The following ROBO2 variants were observed in gnomAD, a reference collection of about 807,000 sequenced individuals.
ROBO2 encodes the protein roundabout guidance receptor 2, also known as roundabout homolog 2.
Under a neutral mutation model 160.8 loss-of-function variants are expected in ROBO2, and 53 were observed. The ratio of observed to expected loss-of-function variants is 0.33; its 90% CI spans 0.26 to 0.41. The LOEUF (loss-of-function observed/expected upper bound fraction) is 0.41, where lower values mean the gene tolerates loss of function less well. Ranked by LOEUF, ROBO2 falls within the 10% of genes least tolerant of loss-of-function variation. ROBO2 has a pLI of 1.00. For missense variants in ROBO2, 1,577 were observed against 1,722.4 expected, an observed-to-expected ratio of 0.92 and a Z score of 1.49; for synonymous variants, 664 against 611.7, an observed-to-expected ratio of 1.09 and a Z score of -1.26.
At chr3:76,734,008 G>A (rs1196320381) in intron 2 of ROBO2, among the ~76,000 whole-genome samples, 4 of 152,068 alleles carry the variant, frequency 2.6e-5, no homozygotes, top group Admixed American at 6.6e-5. Context: ...ACCACAGAGG[G>A]CATCTTTCCC....
intron 2 of ROBO2, among the ~76,000 whole-genome samples, chr3:75,974,645 C>G (rs1191344596): frequency 2.0e-5 from 3 of 151,446 alleles, no homozygotes; most frequent in African/African-American, 7.3e-5. Context: ...TCAGATTTTA[C>G]TGTTAGCAGT....
At chr3:77,215,868 A>G (rs1324777666) in intron 2 of ROBO2, among the ~76,000 whole-genome samples, 1 of 152,172 alleles carries the variant, frequency 6.6e-6, no homozygotes, top group Non-Finnish European at 1.5e-5. Flanking sequence ...TTGCCTAGGT[A>G]TCAGCAGCGG....
chr3:76,118,502 GA>G (rs1553650126), intron 2 of ROBO2, among the ~76,000 whole-genome samples: 1 of 152,118 alleles, frequency 6.6e-6, no homozygotes, highest in Non-Finnish European at 1.5e-5. Context: ...ATATGATGGA[GA>G]TGAGATTCTC....
chr3:75,952,294 T>C (rs1043384395), intron 2 of ROBO2, among the ~76,000 whole-genome samples: 1 of 151,978 alleles, frequency 6.6e-6, no homozygotes, highest in African/African-American at 2.4e-5. Context: ...AAAATGCTTT[T>C]ACTCTAATCA....
At chr3:76,155,855 C>T (rs888649187) in intron 2 of ROBO2, among the ~76,000 whole-genome samples, 3 of 152,082 alleles carry the variant, frequency 2.0e-5, no homozygotes, top group South Asian at 2.1e-4. Context: ...TTAAATGTAT[C>T]GCAAGGCAAA....
intron 4 of ROBO2, among the ~76,000 whole-genome samples, chr3:77,482,305 C>T (rs2084800735): frequency 6.6e-6 from 1 of 152,120 alleles, no homozygotes; most frequent in Non-Finnish European, 1.5e-5. Context: ...CCAAGTGTGG[C>T]ACCAAAGCCC....
chr3:77,405,915 G>A (rs989982820), intron 2 of ROBO2, among the ~76,000 whole-genome samples: 10 of 152,084 alleles, frequency 6.6e-5, no homozygotes, highest in South Asian at 2.1e-4. Context: ...AAAGATAAAC[G>A]TGAATTTGAT....
chr3:77,242,735 G>T (rs992974948), intron 2 of ROBO2, among the ~76,000 whole-genome samples: 5 of 151,778 alleles, frequency 3.3e-5, no homozygotes, highest in Admixed American at 3.3e-4. Flanking sequence ...TAAGGTAGAG[G>T]AGAGAGCAGC....
chr3:77,160,061 C>A (rs2078348177), intron 2 of ROBO2, among the ~76,000 whole-genome samples: 1 of 152,004 alleles, frequency 6.6e-6, no homozygotes, highest in Non-Finnish European at 1.5e-5. Context: ...TATATAGATT[C>A]ACCAGGCATT....
At position 77,562,641 on chromosome 3, in the gene ROBO2, T is replaced by G. The variant is rs1480595097; in HGVS notation, c.1438-10T>G. The G allele has an allele frequency of 3.1e-6, 5 of 1,602,016 alleles. No homozygotes were observed. Among genetic ancestry groups the G allele is most frequent in the Non-Finnish European group, 4.3e-6 (5 of 1,169,606 alleles). On this transcript the variant is annotated splice_polypyrimidine_tract_variant and intron_variant, in intron 9 of 25. Transcript: ENST00000461745. Reference sequence around the variant, plus strand: ...AAACAATTTAATTCTCTCCCTTCTGTGCACACTAGATTTCTGATACTGGCA... The same window carrying G: ...AAACAATTTAATTCTCTCCCTTCTGGGCACACTAGATTTCTGATACTGGCA...
At chr3:76,362,087 A>G (rs1282125072) in intron 2 of ROBO2, among the ~76,000 whole-genome samples, 1 of 152,136 alleles carries the variant, frequency 6.6e-6, no homozygotes, top group Non-Finnish European at 1.5e-5. Context: ...AATATTGGCC[A>G]GGTGCAGTGA....
chr3:77,193,462 T>TTTTTTTGTG (rs1560204164), intron 2 of ROBO2, among the ~76,000 whole-genome samples: 3 of 101,776 alleles, frequency 2.9e-5, no homozygotes, highest in Non-Finnish European at 5.1e-5. Context: ...TTTTTTTTTT[T>TTTTTTTGTG]AAAGACAGGG....
chr3:75,978,601 G>A (rs981589676), intron 2 of ROBO2, among the ~76,000 whole-genome samples: 1 of 149,180 alleles, frequency 6.7e-6, no homozygotes, highest in Non-Finnish European at 1.5e-5. Flanking sequence ...TTAATATGAA[G>A]TATTTGGTTT....
At chr3:75,928,657 T>A (rs1464469378) in intron 1 of ROBO2, among the ~76,000 whole-genome samples, 1 of 152,254 alleles carries the variant, frequency 6.6e-6, no homozygotes, top group Non-Finnish European at 1.5e-5. Context: ...ACAGGAAACT[T>A]CTTTTCCAAG....
intron 2 of ROBO2, among the ~76,000 whole-genome samples, chr3:76,163,076 G>A (rs746267943): frequency 1.3e-5 from 2 of 151,988 alleles, no homozygotes; most frequent in African/African-American, 2.4e-5. Flanking sequence ...AAAACATTTC[G>A]AGTCTTTCTT....
At chr3:76,377,422 G>A (rs2076400582) in intron 2 of ROBO2, among the ~76,000 whole-genome samples, 1 of 152,054 alleles carries the variant, frequency 6.6e-6, no homozygotes, top group South Asian at 2.1e-4. Context: ...ATTGCTTTCT[G>A]TGCAAGAGTC....
chr3:75,990,275 C>T (rs1451562774), intron 2 of ROBO2, among the ~76,000 whole-genome samples: 1 of 152,164 alleles, frequency 6.6e-6, no homozygotes, highest in Non-Finnish European at 1.5e-5. Context: ...TTCCTGAAAA[C>T]TCCACTTAAG....
At chr3:77,475,012 A>T (rs1281417835) in intron 2 of ROBO2, among the ~76,000 whole-genome samples, 4 of 152,136 alleles carry the variant, frequency 2.6e-5, no homozygotes, top group Admixed American at 2.6e-4. Context: ...TCCTTTTTCT[A>T]AAAATAAGTT....
At chr3:76,490,941 C>T (rs1262306788) in intron 2 of ROBO2, among the ~76,000 whole-genome samples, 1 of 149,726 alleles carries the variant, frequency 6.7e-6, no homozygotes, top group Admixed American at 6.7e-5. Context: ...ATTTGATCCT[C>T]AATGAAGATT....
Sources: allele counts gnomAD v4.1 joint callset (sites outside exome capture counted in the v4.1 genomes callset), GRCh38; gene constraint gnomAD v4.1.1; transcripts MANE v1.5; gene names NCBI Gene and HGNC (gene_info 2026-07-23, HGNC 2026-07-21).